Variants in DIAPH3 observed in about 807,000 individuals in gnomAD.
DIAPH3 encodes the protein protein diaphanous homolog 3.
In DIAPH3, 117 loss-of-function variants were observed where a neutral mutation model predicts 144.3. That is an observed-to-expected ratio of 0.81 (90% CI 0.70 to 0.95). DIAPH3 has a LOEUF of 0.95. Among genes scored for constraint, DIAPH3 ranks in the 40% least tolerant of loss-of-function variants. DIAPH3 has a pLI of 0.00. For missense variants in DIAPH3, 1,421 were observed against 1,412.7 expected, an observed-to-expected ratio of 1.01 and a Z score of -0.09; for synonymous variants, 519 against 488.9, an observed-to-expected ratio of 1.06 and a Z score of -0.81.
chr13:60,136,903 G>A (rs541872189), intron 1 of DIAPH3, among the ~76,000 whole-genome samples: 6 of 151,722 alleles, frequency 4.0e-5, no homozygotes, highest in Non-Finnish European at 8.8e-5. Flanking sequence ...TTGTGCCACT[G>A]CACTCCAGCC....
chr13:60,040,925 T>C (rs1330669346), intron 5 of DIAPH3, among the ~76,000 whole-genome samples: 1 of 152,140 alleles, frequency 6.6e-6, no homozygotes. Flanking sequence ...GCGATTCTCC[T>C]GCCTCAGCCT....
intron 25 of DIAPH3, among the ~76,000 whole-genome samples, chr13:59,796,324 G>C (rs573755158): frequency 2.0e-5 from 3 of 152,298 alleles, no homozygotes; most frequent in Admixed American, 6.5e-5. Flanking sequence ...GTTACACTAT[G>C]CTGAACATGT....
chr13:59,853,253 T>C (rs1348805317), intron 22 of DIAPH3, among the ~76,000 whole-genome samples: 1 of 152,218 alleles, frequency 6.6e-6, no homozygotes, highest in Non-Finnish European at 1.5e-5. Flanking sequence ...TTTTGCCCAC[T>C]AAAATCACTT....
chr13:59,743,481 G>T (rs977917925), intron 27 of DIAPH3, among the ~76,000 whole-genome samples: 2 of 152,128 alleles, frequency 1.3e-5, no homozygotes, highest in East Asian at 3.9e-4. Context: ...TACCTTGTTG[G>T]GGGTGGATGA....
chr13:59,910,278 T>C (rs1244149952), intron 20 of DIAPH3, among the ~76,000 whole-genome samples: 1 of 150,118 alleles, frequency 6.7e-6, no homozygotes. Flanking sequence ...GAGTATCAAA[T>C]AGACAAACTA....
chr13:59,761,138 G>A (rs1483640369), intron 27 of DIAPH3, among the ~76,000 whole-genome samples: 2 of 152,018 alleles, frequency 1.3e-5, no homozygotes, highest in Admixed American at 6.6e-5. Flanking sequence ...CCCTTTAAAA[G>A]CATAAAAATA....
At chr13:59,679,618 C>A (rs1200585485) in intron 27 of DIAPH3, among the ~76,000 whole-genome samples, 2 of 152,160 alleles carry the variant, frequency 1.3e-5, no homozygotes, top group Non-Finnish European at 2.9e-5. Flanking sequence ...ACAAGGAGGA[C>A]AAGATACAGT....
At chr13:59,928,944 G>T (rs185724334) in intron 17 of DIAPH3, among the ~76,000 whole-genome samples, 1 of 152,166 alleles carries the variant, frequency 6.6e-6, no homozygotes. Context: ...TGGAGGTGGC[G>T]AGGTCGCTAT....
intron 2 of DIAPH3, among the ~76,000 whole-genome samples, chr13:60,122,192 T>C (rs1193435876): frequency 6.6e-6 from 1 of 152,200 alleles, no homozygotes; most frequent in Non-Finnish European, 1.5e-5. Flanking sequence ...TTACACTGTA[T>C]GATCTAGAGA....
chr13:60,010,815 A>C, intron 7 of DIAPH3, 146 bp from the exon 8 acceptor site: 1 of 830,084 alleles, frequency 1.2e-6, no homozygotes, highest in South Asian at 1.8e-5. Context: ...AACACTCTAA[A>C]AAGTTCATGG....
chr13:59,984,806 G>A (rs1267594316), intron 12 of DIAPH3, among the ~76,000 whole-genome samples: 1 of 129,818 alleles, frequency 7.7e-6, no homozygotes, highest in Non-Finnish European at 1.6e-5. Flanking sequence ...CCAATAACAG[G>A]AGCTGAAATT....
intron 27 of DIAPH3, among the ~76,000 whole-genome samples, chr13:59,671,097 G>T (rs1229708243): frequency 6.6e-6 from 1 of 152,200 alleles, no homozygotes; most frequent in Non-Finnish European, 1.5e-5. Context: ...TGGTGGCTTT[G>T]TGTGGGCTGG....
At chr13:59,948,692 C>T (rs1166357582) in intron 17 of DIAPH3, among the ~76,000 whole-genome samples, 2 of 152,064 alleles carry the variant, frequency 1.3e-5, no homozygotes, top group Non-Finnish European at 2.9e-5. Flanking sequence ...AACTCCTGGT[C>T]TCAAGCAATC....
rs981300273 is a variant in DIAPH3, at chr13:60,154,170, A to T, written c.180+9417T>A. Among the ~76,000 whole-genome samples, 2 of 152,284 alleles carry T rather than the reference A, an allele frequency of 1.3e-5. 1 individual carries two copies. The highest frequency in any genetic ancestry group is 4.1e-4 in the South Asian group (2 of 4,826). ...TATCCAATGTATTCCTAATGCCCTAAAGTGTAGGCAAAAATTGTACTATTA... is the reference window on the plus strand; with the variant it reads ...TATCCAATGTATTCCTAATGCCCTATAGTGTAGGCAAAAATTGTACTATTA... On this transcript the variant is annotated intron_variant, in intron 1 of 27. Transcript: ENST00000400324.
At chr13:59,682,157 T>C (rs898070345) in intron 27 of DIAPH3, among the ~76,000 whole-genome samples, 1 of 152,160 alleles carries the variant, frequency 6.6e-6, no homozygotes, top group Non-Finnish European at 1.5e-5. Context: ...CACTAGTACA[T>C]TGGAAAATAT....
chr13:60,121,785 A>AT (rs1353999673), intron 2 of DIAPH3, among the ~76,000 whole-genome samples: 2 of 152,184 alleles, frequency 1.3e-5, no homozygotes, highest in Non-Finnish European at 2.9e-5. Context: ...GATGATATGA[A>AT]TTGATTATGA....
At chr13:59,965,900 C>T (rs188311694) in intron 17 of DIAPH3, among the ~76,000 whole-genome samples, 1 of 151,950 alleles carries the variant, frequency 6.6e-6, no homozygotes, top group African/African-American at 2.4e-5. Flanking sequence ...TTGAGTGGAA[C>T]AGTGGTAGCC....
intron 27 of DIAPH3, among the ~76,000 whole-genome samples, chr13:59,758,370 A>T (rs963914602): frequency 3.3e-5 from 5 of 152,272 alleles, no homozygotes; most frequent in Non-Finnish European, 7.3e-5. Flanking sequence ...CAATAGTAAG[A>T]ATAAATGAAT....
At chr13:60,010,415 A>G in intron 8 of DIAPH3, 118 bp downstream of exon 8, 1 of 1,053,148 alleles carries the variant, frequency 9.5e-7, no homozygotes, top group Non-Finnish European at 1.4e-6. Context: ...GCTTAAATAT[A>G]CCTCAACATT....
Sources: gnomAD v4.1 joint callset for allele counts (sites outside exome capture counted in the v4.1 genomes callset) on GRCh38, gnomAD v4.1.1 for gene constraint, MANE v1.5 for transcripts, NCBI Gene and HGNC (gene_info 2026-07-23, HGNC 2026-07-21) for gene names.